Variants in SGCD observed in about 807,000 individuals in gnomAD.
SGCD encodes delta-sarcoglycan.
SGCD carries 18 observed loss-of-function variants against 36.6 expected under a neutral mutation model. The observed-to-expected ratio is 0.49, with a 90% CI of 0.34 to 0.73. The LOEUF is 0.73. SGCD is among the 30% of genes least tolerant of loss of function. The pLI is 0.01. For synonymous variants in SGCD, 133 were observed against 130.6 expected (o/e 1.02, Z -0.12); for missense variants, 387 against 346.7 (o/e 1.12, Z -0.92).
At chr5:155,756,388 C>A in the SGCD span, among the ~76,000 whole-genome samples, 2 of 152,176 alleles carry the variant, frequency 1.3e-5, no homozygotes, top group Admixed American at 1.3e-4. Context: ...CTTATAAAAT[C>A]TTTCTGCCTT....
intron 3 of SGCD, among the ~76,000 whole-genome samples, chr5:156,302,318 A>G (rs1209173130): frequency 1.3e-5 from 2 of 151,998 alleles, no homozygotes; most frequent in African/African-American, 4.8e-5. Flanking sequence ...ATTCTTCAGT[A>G]CATCAATTGA....
chr5:156,419,932 A>G (rs749856955), intron 3 of SGCD, among the ~76,000 whole-genome samples: 1 of 152,012 alleles, frequency 6.6e-6, no homozygotes, highest in Non-Finnish European at 1.5e-5. Context: ...GCTTTTCTGT[A>G]TCTTTGAGCA....
chr5:156,651,310 T>A (rs914243837), intron 7 of SGCD, among the ~76,000 whole-genome samples: 1 of 152,080 alleles, frequency 6.6e-6, no homozygotes, highest in Admixed American at 6.6e-5. Context: ...TTTAAGGAGG[T>A]CCCTCTTGTC....
At chr5:156,093,671 A>G (rs895890730) in intron 1 of SGCD, among the ~76,000 whole-genome samples, 3 of 152,182 alleles carry the variant, frequency 2.0e-5, no homozygotes, top group African/African-American at 7.2e-5. Flanking sequence ...CAACTCCAGC[A>G]GGATCAGGAT....
intron 3 of SGCD, among the ~76,000 whole-genome samples, chr5:156,388,440 A>G (rs932741051): frequency 1.3e-5 from 2 of 152,190 alleles, no homozygotes; most frequent in Non-Finnish European, 2.9e-5. Context: ...CAGTAATCAA[A>G]CGACTATCAG....
chr5:156,565,457 C>A (rs1389087855), intron 4 of SGCD, among the ~76,000 whole-genome samples: 1 of 152,072 alleles, frequency 6.6e-6, no homozygotes, highest in Non-Finnish European at 1.5e-5. Context: ...TGCCTATTGA[C>A]CAAATTACAT....
At chr5:155,907,431 C>T (rs1398468005) in intron 1 of SGCD, among the ~76,000 whole-genome samples, 7 of 152,090 alleles carry the variant, frequency 4.6e-5, no homozygotes, top group Non-Finnish European at 1.0e-4. Flanking sequence ...TAGATGGTGA[C>T]TTCTCTGATC....
At chr5:155,729,881 G>T in the SGCD span, among the ~76,000 whole-genome samples, 1 of 152,202 alleles carries the variant, frequency 6.6e-6, no homozygotes, top group Admixed American at 6.5e-5. Flanking sequence ...CACGGAGTTG[G>T]CTGGTCCTCG....
intron 4 of SGCD, among the ~76,000 whole-genome samples, chr5:156,546,045 G>A (rs1242480167): frequency 2.0e-5 from 3 of 152,042 alleles, no homozygotes; most frequent in Admixed American, 1.3e-4. Context: ...AATGTCTGAG[G>A]GACACACATT....
intron 6 of SGCD, 149 bp downstream of exon 6, chr5:156,595,200 C>A: frequency 1.1e-6 from 1 of 924,254 alleles, no homozygotes. Flanking sequence ...GAGGTGGAGC[C>A]TTGAGGGGTA....
chr5:156,470,245 GGAT>G (rs1460154975), intron 3 of SGCD, among the ~76,000 whole-genome samples: 3 of 151,842 alleles, frequency 2.0e-5, no homozygotes, highest in Non-Finnish European at 2.9e-5. Context: ...CTTACTTCTG[GGAT>G]ATTACGTGAG....
chr5:156,341,412 T>C (rs1768646112), intron 2 of SGCD, among the ~76,000 whole-genome samples: 2 of 152,144 alleles, frequency 1.3e-5, no homozygotes, highest in South Asian at 2.1e-4. Context: ...TGAAAAAAAG[T>C]GAAAGCCATT....
At chr5:155,820,744 T>C in the SGCD span, among the ~76,000 whole-genome samples, 1 of 152,096 alleles carries the variant, frequency 6.6e-6, no homozygotes, top group African/African-American at 2.4e-5. Context: ...CTGCGCTTTG[T>C]GACTTATTAA....
At chr5:155,925,192 C>G (rs1756972880) in intron 1 of SGCD, among the ~76,000 whole-genome samples, 1 of 152,082 alleles carries the variant, frequency 6.6e-6, no homozygotes, top group Non-Finnish European at 1.5e-5. Flanking sequence ...AAGTAAAGTA[C>G]AAACTACTTT....
At chr5:155,915,871 A>G (rs1336052961) in intron 1 of SGCD, among the ~76,000 whole-genome samples, 1 of 152,210 alleles carries the variant, frequency 6.6e-6, no homozygotes, top group Non-Finnish European at 1.5e-5. Context: ...GTTTCTGATG[A>G]AAGTGAAATC....
At chr5:156,153,624 A>C (rs945541699) in intron 3 of SGCD, among the ~76,000 whole-genome samples, 2 of 151,652 alleles carry the variant, frequency 1.3e-5, no homozygotes, top group Non-Finnish European at 2.9e-5. Flanking sequence ...ACCAAAGGGT[A>C]AGAAGAATTT....
At chr5:156,344,026 T>C (rs893176480) in intron 2 of SGCD, among the ~76,000 whole-genome samples, 23 of 151,412 alleles carry the variant, frequency 1.5e-4, no homozygotes, top group African/African-American at 5.4e-4. Flanking sequence ...CAATACAGAA[T>C]GATAGTGTTC....
At chr5:156,018,123 G>A (rs1759024470) in intron 1 of SGCD, among the ~76,000 whole-genome samples, 1 of 152,156 alleles carries the variant, frequency 6.6e-6, no homozygotes, top group African/African-American at 2.4e-5. Flanking sequence ...TTGCACCACT[G>A]CAATCCTGAG....
chr5:156,266,967 C>A (rs903993966), intron 3 of SGCD, among the ~76,000 whole-genome samples: 2 of 152,128 alleles, frequency 1.3e-5, no homozygotes, highest in African/African-American at 4.8e-5. Flanking sequence ...GATCTTCTTA[C>A]TGTAAGATAT....
Sources: gnomAD v4.1 joint callset for allele counts (sites outside exome capture counted in the v4.1 genomes callset) on GRCh38, gnomAD v4.1.1 for gene constraint, MANE v1.5 for transcripts, NCBI Gene and HGNC (gene_info 2026-07-23, HGNC 2026-07-21) for gene names.